Variants in KDM4C observed in about 807,000 individuals in gnomAD.
The protein encoded by KDM4C is lysine-specific demethylase 4C.
A neutral mutation model predicts 129.3 loss-of-function variants in KDM4C; 81 were observed. The ratio of observed to expected loss-of-function variants is 0.63; its 90% confidence interval spans 0.52 to 0.75. KDM4C has a LOEUF of 0.75. Ranked by LOEUF, KDM4C falls within the 30% of genes least tolerant of loss-of-function variation. The pLI, the probability that KDM4C is intolerant of heterozygous loss-of-function variation, is 0.00. For missense variants in KDM4C, 1,457 were observed against 1,304.0 expected, an observed-to-expected ratio of 1.12 and a Z score of -1.81; for synonymous variants, 573 against 456.1, an observed-to-expected ratio of 1.26 and a Z score of -3.26.
intron 17 of KDM4C, among the ~76,000 whole-genome samples, chr9:7,096,400 AAAG>A (rs1836441034): frequency 6.6e-6 from 1 of 152,180 alleles, no homozygotes; most frequent in East Asian, 1.9e-4. Context: ...GTCTAGGAAA[AAAG>A]GGCAGGAAGC....
intron 17 of KDM4C, among the ~76,000 whole-genome samples, chr9:7,068,225 T>A (rs923148219): frequency 6.6e-6 from 1 of 152,244 alleles, no homozygotes; most frequent in African/African-American, 2.4e-5. Context: ...TATGTGAATC[T>A]GTTTTATAAA....
At chr9:6,910,336 C>A (rs1317894183) in intron 8 of KDM4C, among the ~76,000 whole-genome samples, 1 of 152,076 alleles carries the variant, frequency 6.6e-6, no homozygotes, top group African/African-American at 2.4e-5. Context: ...GCTGAACTTA[C>A]ATTAACTTGT....
chr9:6,988,065 G>C (rs1818039413), intron 11 of KDM4C, among the ~76,000 whole-genome samples: 1 of 148,128 alleles, frequency 6.8e-6, no homozygotes, highest in Non-Finnish European at 1.5e-5. Context: ...TAAGGTAGGA[G>C]GATCACTCGA....
At chr9:7,148,133 A>C (rs577663737) in intron 19 of KDM4C, among the ~76,000 whole-genome samples, 1 of 152,306 alleles carries the variant, frequency 6.6e-6, no homozygotes, top group East Asian at 1.9e-4. Flanking sequence ...GATATACGAC[A>C]AGCAGCTTCT....
intron 4 of KDM4C, among the ~76,000 whole-genome samples, chr9:6,838,051 T>A (rs1243719521): frequency 2.0e-5 from 3 of 152,234 alleles, no homozygotes; most frequent in African/African-American, 7.2e-5. Context: ...TAATACTGGT[T>A]AACTGTTTCT....
At chr9:7,106,171 G>A (rs1215559799) in intron 18 of KDM4C, among the ~76,000 whole-genome samples, 1 of 152,166 alleles carries the variant, frequency 6.6e-6, no homozygotes, top group Non-Finnish European at 1.5e-5. Flanking sequence ...CTAACCAGTA[G>A]GAATTTATAG....
intron 8 of KDM4C, among the ~76,000 whole-genome samples, chr9:6,934,282 C>G (rs1484425582): frequency 6.6e-6 from 1 of 151,740 alleles, no homozygotes; most frequent in Non-Finnish European, 1.5e-5. Flanking sequence ...GAGATTGAGA[C>G]TATCCTGGCT....
intron 5 of KDM4C, among the ~76,000 whole-genome samples, chr9:6,851,458 A>G (rs1314265269): frequency 6.6e-6 from 1 of 152,206 alleles, no homozygotes; most frequent in Non-Finnish European, 1.5e-5. Context: ...ACAGTTTCTC[A>G]GCTGCTTTGT....
At chr9:6,854,553 A>G (rs1564166573) in intron 5 of KDM4C, among the ~76,000 whole-genome samples, 1 of 151,196 alleles carries the variant, frequency 6.6e-6, no homozygotes, top group East Asian at 1.9e-4. Flanking sequence ...AAACAAAAAA[A>G]AAACTAACTT....
At chr9:6,997,412 G>A (rs1365328325) in intron 12 of KDM4C, among the ~76,000 whole-genome samples, 14 of 152,198 alleles carry the variant, frequency 9.2e-5, no homozygotes, top group Admixed American at 9.2e-4. Flanking sequence ...AAAAACAAGA[G>A]AGCTTGCTTG....
At chr9:6,932,748 C>T (rs55790433) in intron 8 of KDM4C, among the ~76,000 whole-genome samples, 38,972 of 151,954 alleles carry the variant, frequency 0.26, 5,392 homozygotes, top group South Asian at 0.39. Context: ...CATTTGACCA[C>T]GTTTAGGGGC....
At chr9:6,741,867 C>T (rs1817709138) in intron 1 of KDM4C, among the ~76,000 whole-genome samples, 1 of 150,050 alleles carries the variant, frequency 6.7e-6, no homozygotes, top group South Asian at 2.1e-4. Context: ...CATGCCTGGC[C>T]TGTTAAGCAT....
intron 5 of KDM4C, among the ~76,000 whole-genome samples, chr9:6,867,742 A>G (rs1311995307): frequency 6.6e-6 from 1 of 152,210 alleles, no homozygotes; most frequent in African/African-American, 2.4e-5. Flanking sequence ...GCTAGGTGTC[A>G]ATAATACCAT....
chr9:6,840,927 G>A (rs1836805774), intron 4 of KDM4C, among the ~76,000 whole-genome samples: 1 of 152,190 alleles, frequency 6.6e-6, no homozygotes, highest in Admixed American at 6.5e-5. Flanking sequence ...TTAAATGGGT[G>A]CTAGCTATGT....
At chr9:6,848,160 C>T (rs1838186146) in intron 4 of KDM4C, among the ~76,000 whole-genome samples, 1 of 152,096 alleles carries the variant, frequency 6.6e-6, no homozygotes, top group Non-Finnish European at 1.5e-5. Context: ...TCCCAAAGTG[C>T]TGGGATTACA....
chr9:7,115,163 C>G (rs1165260830), intron 18 of KDM4C, among the ~76,000 whole-genome samples: 1 of 152,116 alleles, frequency 6.6e-6, no homozygotes, highest in Non-Finnish European at 1.5e-5. Context: ...GGCCAACTTA[C>G]TGAGGAAAAT....
intron 4 of KDM4C, among the ~76,000 whole-genome samples, chr9:6,829,817 CTATT>C (rs1834513177): frequency 1.3e-5 from 2 of 152,190 alleles, no homozygotes; most frequent in African/African-American, 2.4e-5. Context: ...TAAGGTATAT[CTATT>C]GGAAGCCCAG....
chr9:6,902,406 G>A (rs1817561605), intron 8 of KDM4C, among the ~76,000 whole-genome samples: 3 of 152,160 alleles, frequency 2.0e-5, no homozygotes, highest in Admixed American at 1.3e-4. Context: ...ATGGCTGTCA[G>A]GAGTGCACGT....
chr9:6,736,800 C>T (rs1056365874), intron 1 of KDM4C, among the ~76,000 whole-genome samples: 1 of 152,026 alleles, frequency 6.6e-6, no homozygotes, highest in Non-Finnish European at 1.5e-5. Flanking sequence ...CCTGTAATCC[C>T]AGAACTTTTG....
Sources: allele counts gnomAD v4.1 joint callset (sites outside exome capture counted in the v4.1 genomes callset), GRCh38; gene constraint gnomAD v4.1.1; transcripts MANE v1.5; gene names NCBI Gene and HGNC (gene_info 2026-07-23, HGNC 2026-07-21).